Variants in CHCHD6 observed in about 807,000 individuals in gnomAD.
CHCHD6 encodes the protein MICOS complex subunit MIC25.
In CHCHD6, 28 loss-of-function variants were observed where a neutral mutation model predicts 32.3. The observed-to-expected ratio is 0.87, with a 90% confidence interval of 0.64 to 1.19. CHCHD6 has a LOEUF of 1.19. Among genes scored for constraint, CHCHD6 ranks in the 50% most tolerant of loss-of-function variants. The pLI, the probability that CHCHD6 is intolerant of heterozygous loss-of-function variation, is 0.00. For synonymous variants in CHCHD6, 122 were observed against 117.5 expected, an observed-to-expected ratio of 1.04 and a Z score of -0.25; for missense variants, 333 against 307.0, an observed-to-expected ratio of 1.08 and a Z score of -0.63.
At chr3:126,752,883 T>C (rs1936786305) in intron 4 of CHCHD6, among the ~76,000 whole-genome samples, 1 of 152,164 alleles carries the variant, frequency 6.6e-6, no homozygotes, top group Non-Finnish European at 1.5e-5. Context: ...TGGGGTTTTA[T>C]GATGGGCTGG....
At chr3:126,750,332 C>A (rs1936677371) in intron 4 of CHCHD6, among the ~76,000 whole-genome samples, 1 of 152,168 alleles carries the variant, frequency 6.6e-6, no homozygotes. Context: ...CCACTGAGAC[C>A]CCAGATGTGC....
intron 4 of CHCHD6, among the ~76,000 whole-genome samples, chr3:126,799,359 A>G (rs1049357736): frequency 1.3e-5 from 2 of 152,218 alleles, no homozygotes; most frequent in Non-Finnish European, 2.9e-5. Context: ...GAGAATTGCT[A>G]GGATAGGACC....
chr3:126,801,818 A>G (rs568513466), intron 4 of CHCHD6, among the ~76,000 whole-genome samples: 27 of 152,366 alleles, frequency 1.8e-4, no homozygotes, highest in African/African-American at 6.5e-4. Context: ...AACCCCCAGT[A>G]GGGGCAGACT....
chr3:126,913,558 G>C (rs2078126584), intron 5 of CHCHD6, among the ~76,000 whole-genome samples: 4 of 152,120 alleles, frequency 2.6e-5, no homozygotes, highest in African/African-American at 7.2e-5. Context: ...CTGACCTTAA[G>C]CCAACTCCAG....
chr3:126,774,020 T>A (rs532660853), intron 4 of CHCHD6, among the ~76,000 whole-genome samples: 43 of 152,224 alleles, frequency 2.8e-4, no homozygotes, highest in Non-Finnish European at 4.8e-4. Flanking sequence ...GGTTATAAAA[T>A]GATGATTTTA....
chr3:126,926,360 C>T (rs923502907), intron 6 of CHCHD6, among the ~76,000 whole-genome samples: 1 of 152,278 alleles, frequency 6.6e-6, no homozygotes, highest in South Asian at 2.1e-4. Context: ...TCAAGGAATA[C>T]CAAATGGAGG....
At chr3:126,799,251 C>T (rs1453152777) in intron 4 of CHCHD6, among the ~76,000 whole-genome samples, 1 of 152,158 alleles carries the variant, frequency 6.6e-6, no homozygotes, top group Non-Finnish European at 1.5e-5. Flanking sequence ...TAGCTGTACT[C>T]AACAGATGGG....
At chr3:126,951,133 G>A (rs754256877) in intron 6 of CHCHD6, among the ~76,000 whole-genome samples, 8 of 152,124 alleles carry the variant, frequency 5.3e-5, no homozygotes, top group East Asian at 3.9e-4. Flanking sequence ...GTGAGTTCTC[G>A]TGAGACCTGA....
At chr3:126,911,378 T>C (rs2078088362) in intron 5 of CHCHD6, among the ~76,000 whole-genome samples, 2 of 152,208 alleles carry the variant, frequency 1.3e-5, no homozygotes, top group South Asian at 4.1e-4. Context: ...AGATGGAGTC[T>C]GGGTCCACTC....
At chr3:126,905,073 T>A (rs1226126167) in intron 5 of CHCHD6, among the ~76,000 whole-genome samples, 1 of 152,106 alleles carries the variant, frequency 6.6e-6, no homozygotes, top group Admixed American at 6.5e-5. Context: ...GGCAGAGCAG[T>A]CTGGAATGTG....
chr3:126,748,609 A>G (rs113283268), intron 4 of CHCHD6, among the ~76,000 whole-genome samples: 10,508 of 151,774 alleles, frequency 0.069, 458 homozygotes, highest in Middle Eastern at 0.19. Flanking sequence ...AAAAAAAAAA[A>G]AAAGAAAGAA....
chr3:126,853,472 C>T (rs1268079903), intron 5 of CHCHD6, among the ~76,000 whole-genome samples: 2 of 152,176 alleles, frequency 1.3e-5, no homozygotes, highest in African/African-American at 2.4e-5. Context: ...GGCAAATCTT[C>T]GCAAATCATT....
At chr3:126,919,477 C>G (rs961263595) in intron 6 of CHCHD6, among the ~76,000 whole-genome samples, 16 of 151,810 alleles carry the variant, frequency 1.1e-4, no homozygotes, top group Admixed American at 9.2e-4. Context: ...CCACATTCGG[C>G]TAACTTTTTA....
At chr3:126,935,325 G>A (rs770954962) in intron 6 of CHCHD6, 3 of 189,484 alleles carry the variant, frequency 1.6e-5, no homozygotes, top group Non-Finnish European at 2.9e-5. Flanking sequence ...CCTCCTGACC[G>A]CTTAGGTGAT....
At position 126,936,595 on chromosome 3, in the gene CHCHD6, G is replaced by T. The variant is rs547110269; in HGVS notation, c.567-20821G>T. Among the ~76,000 whole-genome samples, 14 of 152,000 alleles carry T rather than the reference G, an allele frequency of 9.2e-5. No individual in the cohort carries two copies. The East Asian group carries it at 2.7e-3, about 29-fold the overall frequency. On this transcript the variant is annotated intron_variant, in intron 6 of 7. Coordinates refer to ENST00000290913, the MANE Select transcript of CHCHD6 (RefSeq NM_032343.3). ...TTTTGAGACAGAGTCTTGCTCTGTT[G>T]CCCAGGCTGCAGTGCAGTGGTGCAA...
chr3:126,901,118 A>C (rs899572839), intron 5 of CHCHD6, among the ~76,000 whole-genome samples: 2 of 152,222 alleles, frequency 1.3e-5, no homozygotes, highest in African/African-American at 4.8e-5. Flanking sequence ...GCAGGTGCTG[A>C]AACAGCTTCA....
intron 5 of CHCHD6, among the ~76,000 whole-genome samples, chr3:126,855,781 G>A (rs1559883095): frequency 6.6e-6 from 1 of 152,070 alleles, no homozygotes; most frequent in Non-Finnish European, 1.5e-5. Context: ...ACTTCAGTAG[G>A]GATGGCACCA....
At chr3:126,878,945 T>C (rs889247184) in intron 5 of CHCHD6, among the ~76,000 whole-genome samples, 2 of 152,222 alleles carry the variant, frequency 1.3e-5, no homozygotes, top group East Asian at 1.9e-4. Flanking sequence ...CTGGGAAGAC[T>C]TGATGGCTGT....
intron 5 of CHCHD6, among the ~76,000 whole-genome samples, chr3:126,867,979 A>G (rs529215397): frequency 9.2e-5 from 14 of 152,200 alleles, no homozygotes; most frequent in Non-Finnish European, 1.9e-4. Context: ...GGGCTCTGTG[A>G]TCTGGGCCCT....
Sources: gnomAD v4.1 joint callset for allele counts (sites outside exome capture counted in the v4.1 genomes callset) on GRCh38, gnomAD v4.1.1 for gene constraint, MANE v1.5 for transcripts, NCBI Gene and HGNC (gene_info 2026-07-23, HGNC 2026-07-21) for gene names.